The following SEC14L3 variants were observed in gnomAD, a reference collection of about 807,000 sequenced individuals.
SEC14L3 encodes the protein SEC14 like lipid binding 3, also known as SEC14-like protein 3.
Under a neutral mutation model 57.4 loss-of-function variants are expected in SEC14L3, and 56 were observed. The observed-to-expected ratio is 0.97, with a 90% CI of 0.79 to 1.22. The LOEUF is 1.22. Among genes scored for constraint, SEC14L3 ranks in the 50% most tolerant of loss-of-function variants. SEC14L3 has a pLI of 0.00. For missense variants in SEC14L3, 485 were observed against 511.7 expected (o/e 0.95, Z 0.50); for synonymous variants, 173 against 194.4 (o/e 0.89, Z 0.92).
chr22:30,471,917 C>T lies in SEC14L3; in HGVS notation c.42G>A (p.Glu14=). The T allele has an allele frequency of 6.2e-7, 1 of 1,612,670 alleles. No individual in the cohort carries two copies. The highest frequency in any genetic ancestry group is 1.7e-5 in the Admixed American group (1 of 59,860). The change falls in exon 1 of 12, where the codon GAG becomes GAA. Residue 14 remains glutamate (E), a synonymous_variant. Transcript: ENST00000215812. ...GAGGGGCTCTCACCTTGGCCAGGGT[C>T]TCTGCCTGTTTGGGGCTCAGGTCTC... ...RVGDLSPKQA[E]TLAKFRENVQ...
At chr22:30,448,708 C>CG (rs1556004420) in exon 13 of SEC14L3, 1 of 150,812 alleles carries the variant, frequency 6.6e-6, no homozygotes, top group Non-Finnish European at 1.4e-5. Flanking sequence ...TCATCTCTAC[C>CG]AAAAAAAAAA....
At chr22:30,467,202 G>A in intron 5 of SEC14L3, 125 bp from the exon 6 acceptor site, 1 of 1,329,658 alleles carries the variant, frequency 7.5e-7, no homozygotes, top group Non-Finnish European at 1.0e-6. Context: ...GGAACAAGTA[G>A]ACTAACCAGT....
Position 30,460,098 on chromosome 22 carries a change from T to C in SEC14L3, c.1126A>G (p.Lys376Glu), listed in dbSNP as rs1420644810. 1 of 1,614,120 alleles carries C rather than the reference T, an allele frequency of 6.2e-7. No homozygotes were observed. Among genetic ancestry groups the C allele is most frequent in the East Asian group, 2.2e-5 (1 of 44,876 alleles). Residue 376 changes from lysine to glutamate, a missense_variant, in exon 12 of 12, where the codon AAG (lysine) becomes GAG (glutamate). Physicochemically the swap from Lys to Glu is moderately conservative, Grantham distance 56. Coordinates refer to ENST00000215812, the MANE Select transcript of SEC14L3 (RefSeq NM_174975.5). Reference sequence around the variant, plus strand: ...AGGACCTCCACTGTGAAGCTGACCTTCTTGGCGTGGACAAAGCTATAGGTG... The same window carrying C: ...AGGACCTCCACTGTGAAGCTGACCTCCTTGGCGTGGACAAAGCTATAGGTG... ...DNTYSFVHAKKVSFTVEVLLP... is the reference protein window; with the variant it reads ...DNTYSFVHAKEVSFTVEVLLP...
chr22:30,460,585 G>T (rs942877228), intron 11 of SEC14L3, among the ~76,000 whole-genome samples: 1 of 152,136 alleles, frequency 6.6e-6, no homozygotes, highest in Non-Finnish European at 1.5e-5. Flanking sequence ...TATAATCCCA[G>T]CATTTTGGGA....
downstream of SEC14L3, among the ~76,000 whole-genome samples, chr22:30,455,875 G>A (rs1219482980): frequency 6.6e-6 from 1 of 152,236 alleles, no homozygotes; most frequent in African/African-American, 2.4e-5. Flanking sequence ...GCATTTCTGG[G>A]CTGTTGGAAC....
At position 30,459,546 on chromosome 22, in the gene SEC14L3, G is replaced by A; in HGVS notation, c.*475C>T. Reference sequence around the variant, plus strand: ...CCCCACATAGGCTCCTCCTAATCATGTACAGCTGTTGAGTCACCTGCACCC... The same window carrying A: ...CCCCACATAGGCTCCTCCTAATCATATACAGCTGTTGAGTCACCTGCACCC... On this transcript the variant is annotated 3_prime_UTR_variant, in exon 12 of 12. Coordinates refer to ENST00000215812, the MANE Select transcript of SEC14L3 (RefSeq NM_174975.5). 2 of 986,950 alleles carry A rather than the reference G, an allele frequency of 2.0e-6. No homozygotes were observed. The highest frequency in any genetic ancestry group is 9.4e-5 in the South Asian group (2 of 21,386). 61.1% of individuals were successfully genotyped at this position (986,950 alleles called of 1,614,324 possible). A position where few individuals can be genotyped will look rare whatever the true frequency, so the allele number is the denominator to read the frequency against.
chr22:30,467,494 C>T (rs892715997), intron 5 of SEC14L3, among the ~76,000 whole-genome samples: 1 of 152,140 alleles, frequency 6.6e-6, no homozygotes, highest in African/African-American at 2.4e-5. Flanking sequence ...CCTAATAACC[C>T]ACAGTTTTTG....
At chr22:30,471,280 CA>C (rs753062112) in intron 1 of SEC14L3, 7 of 452,724 alleles carry the variant, frequency 1.5e-5, no homozygotes, top group South Asian at 4.7e-5. Flanking sequence ...GACTCCATCT[CA>C]AAAAAAAGAA....
At chr22:30,466,842 G>A (rs1569230592) in intron 6 of SEC14L3, 140 bp downstream of exon 6, 1 of 713,454 alleles carries the variant, frequency 1.4e-6, no homozygotes, top group Non-Finnish European at 2.3e-6. Context: ...AAGGTATTAA[G>A]GCCTTCTGGA....
At chr22:30,449,349 T>G in intron 12 of SEC14L3, 1 of 1,427,146 alleles carries the variant, frequency 7.0e-7, no homozygotes, top group Non-Finnish European at 9.4e-7. Flanking sequence ...AGTTAGTGTT[T>G]TATAAAATAG....
chr22:30,452,717 C>CTTTCT (rs71328853), intron 12 of SEC14L3, among the ~76,000 whole-genome samples: 92 of 131,642 alleles, frequency 7.0e-4, no homozygotes, highest in Middle Eastern at 4.0e-3. Context: ...TTCTTTCTTT[C>CTTTCT]TTTTTTTTTT....
downstream of SEC14L3, among the ~76,000 whole-genome samples, chr22:30,458,171 G>C (rs972296509): frequency 1.3e-5 from 2 of 152,170 alleles, no homozygotes; most frequent in Non-Finnish European, 2.9e-5. Flanking sequence ...CAAGAGTTGT[G>C]TCAGGGACTG....
chr22:30,457,238 C>T (rs1355563512), downstream of SEC14L3, among the ~76,000 whole-genome samples: 1 of 152,082 alleles, frequency 6.6e-6, no homozygotes, highest in Non-Finnish European at 1.5e-5. Flanking sequence ...AGAAGGTGAA[C>T]CCATCCCCCT....
chr22:30,460,646 C>T (rs1272788562), intron 11 of SEC14L3, among the ~76,000 whole-genome samples: 1 of 150,988 alleles, frequency 6.6e-6, no homozygotes, highest in Non-Finnish European at 1.5e-5. Flanking sequence ...GCAGCCTGAC[C>T]AACATGGAGA....
intron 8 of SEC14L3, 64 bp downstream of exon 8, chr22:30,464,756 A>G (rs534836166): frequency 6.8e-7 from 1 of 1,462,758 alleles, no homozygotes. Flanking sequence ...TAGATGGGGT[A>G]ATGGGACAAC....
chr22:30,464,849 T>G lies in SEC14L3; in HGVS notation c.635A>C (p.Asp212Ala). 1 of 1,614,070 alleles carries G rather than the reference T, an allele frequency of 6.2e-7. No individual in the cohort carries two copies. The highest frequency in any genetic ancestry group is 8.5e-7 in the Non-Finnish European group (1 of 1,179,962). ...YNLMKPFLSE[D>A]TRRKIIVLGN... is the part of the protein sequence containing the mutation. ...CAACACAATAATTTTCCTGCGAGTG[T>G]CCTCACTCAGGAATGGCTTCATGAG... The change falls in exon 8 of 12, where the codon GAC becomes GCC. Residue 212 changes from aspartate to alanine, a missense_variant. Transcript: ENST00000215812.
chr22:30,464,325 C>G (rs992787942), intron 8 of SEC14L3, among the ~76,000 whole-genome samples: 5 of 152,156 alleles, frequency 3.3e-5, no homozygotes, highest in Non-Finnish European at 7.3e-5. Context: ...GGTGTGGAGG[C>G]CTTGTCCACC....
At chr22:30,454,489 A>G (rs983024525), downstream of SEC14L3, among the ~76,000 whole-genome samples, 1 of 142,226 alleles carries the variant, frequency 7.0e-6, no homozygotes, top group Non-Finnish European at 1.5e-5. Context: ...AATCTATAAT[A>G]ATATTATTAT....
Position 30,459,742 on chromosome 22 carries a change from G to A in SEC14L3, c.*279C>T, listed in dbSNP as rs1935192037. Reference sequence around the variant, plus strand: ...TAGGGTAGGTGAGGACAAAGGCTAGGGGATTCATTTTGCTATTTATTGAGT... The same window carrying A: ...TAGGGTAGGTGAGGACAAAGGCTAGAGGATTCATTTTGCTATTTATTGAGT... On this transcript the variant is annotated 3_prime_UTR_variant, in exon 12 of 12. Coordinates refer to ENST00000215812, the MANE Select transcript of SEC14L3 (RefSeq NM_174975.5). The A allele has an allele frequency of 8.9e-7, 1 of 1,129,424 alleles. No individual in the cohort carries two copies. Among genetic ancestry groups the A allele is most frequent in the Non-Finnish European group, 1.1e-6 (1 of 916,338 alleles). 70.0% of individuals were successfully genotyped at this position (1,129,424 alleles called of 1,614,324 possible).
Sources: gnomAD v4.1 joint callset for allele counts (sites outside exome capture counted in the v4.1 genomes callset) on GRCh38, gnomAD v4.1.1 for gene constraint, MANE v1.5 for transcripts, NCBI Gene and HGNC (gene_info 2026-07-23, HGNC 2026-07-21) for gene names.